Variants in ANKAR observed in about 807,000 individuals in gnomAD.
ANKAR encodes ankyrin and armadillo repeat containing, also known as ankyrin and armadillo repeat-containing protein.
Under a neutral mutation model 146.2 loss-of-function variants are expected in ANKAR, and 136 were observed. The ratio of observed to expected loss-of-function variants is 0.93; its 90% CI spans 0.81 to 1.07. The LOEUF (loss-of-function observed/expected upper bound fraction) is 1.07. Among genes scored for constraint, ANKAR ranks in the 50% least tolerant of loss-of-function variants. The pLI, the probability that ANKAR is intolerant of heterozygous loss-of-function variation, is 0.00. For synonymous variants in ANKAR, 500 were observed against 575.8 expected (o/e 0.87, Z 1.88); for missense variants, 1,567 against 1,679.9 (o/e 0.93, Z 1.18).
At chr2:189,689,448 T>C in intron 2 of ANKAR, 79 bp from the exon 3 acceptor site, 2 of 1,175,828 alleles carry the variant, frequency 1.7e-6, no homozygotes, top group Admixed American at 4.8e-5. Context: ...GATAAAATCC[T>C]GTGTTCAATC....
rs1390674021 is a variant in ANKAR at position 189,746,499 on chromosome 2, CATA to C, written c.4181_4183del (p.Asn1394del). Reference sequence around the variant, plus strand: ...AGCAACAAAAAAGACCAAGGATTCCCATAATATTTTTTCTTTTTCATCTACAAT... The same window carrying C: ...AGCAACAAAAAAGACCAAGGATTCCCATATTTTTTCTTTTTCATCTACAAT... On this transcript the variant is annotated inframe_deletion, in exon 23 of 23. Coordinates refer to ENST00000684021, the MANE Select transcript of ANKAR (RefSeq NM_001378068.1). 6.2e-7 allele frequency: 1 copy of C among 1,613,658 alleles called. No homozygotes were observed. The highest frequency in any genetic ancestry group is 1.3e-5 in the African/African-American group (1 of 74,872).
intron 19 of ANKAR, among the ~76,000 whole-genome samples, chr2:189,740,841 G>A (rs1057439650): frequency 6.6e-6 from 1 of 151,948 alleles, no homozygotes; most frequent in Non-Finnish European, 1.5e-5. Flanking sequence ...TTACAGGCAT[G>A]TACCACCACG....
At chr2:189,701,460 C>G (rs1440104326) in intron 7 of ANKAR, among the ~76,000 whole-genome samples, 2 of 152,150 alleles carry the variant, frequency 1.3e-5, no homozygotes, top group Non-Finnish European at 2.9e-5. Context: ...GTTTCAGACT[C>G]TTGGGCTCAA....
intron 12 of ANKAR, among the ~76,000 whole-genome samples, chr2:189,722,879 T>TAA (rs757432393): frequency 1.6e-5 from 2 of 125,782 alleles, no homozygotes; most frequent in Non-Finnish European, 1.7e-5. Flanking sequence ...AGACACTGTC[T>TAA]AAAAAAAAAA....
chr2:189,684,167 G>A (rs1044515689), intron 2 of ANKAR, among the ~76,000 whole-genome samples: 2 of 152,014 alleles, frequency 1.3e-5, no homozygotes, highest in Non-Finnish European at 2.9e-5. Context: ...GAGAAAAAAT[G>A]GGAACTTATT....
chr2:189,749,008 A>G (rs2044624927), downstream of ANKAR, among the ~76,000 whole-genome samples: 1 of 152,078 alleles, frequency 6.6e-6, no homozygotes, highest in Non-Finnish European at 1.5e-5. Flanking sequence ...GCACTTTGGG[A>G]GGCCAAGGCG....
chr2:189,679,061 G>A (rs1319173043), intron 2 of ANKAR, among the ~76,000 whole-genome samples: 1 of 152,090 alleles, frequency 6.6e-6, no homozygotes, highest in Non-Finnish European at 1.5e-5. Context: ...CATGAGCATG[G>A]GATGTGTTTT....
In ANKAR at chr2:189,676,665, G is replaced by T. The variant is rs1454541250; in HGVS notation, c.175G>T (p.Glu59Ter). ...TALVSWLSAK[E>*]DVRSQVDLPC... Reference sequence around the variant, plus strand: ...ACTAGTTAGCTGGTTGTCTGCCAAAGAGGATGTGCGCTCTCAAGTAGACCT... The same window carrying T: ...ACTAGTTAGCTGGTTGTCTGCCAAATAGGATGTGCGCTCTCAAGTAGACCT... Residue 59 changes from glutamate (E) to a stop codon, truncating the protein, a stop_gained, in exon 2 of 23, where the codon GAG becomes TAG. Transcript: ENST00000684021. LOFTEE classifies it high-confidence loss of function. 6.2e-7 allele frequency: 1 copy of T among 1,614,198 alleles called. No individual in the cohort carries two copies. The highest frequency in any genetic ancestry group is 1.7e-5 in the Admixed American group (1 of 60,022).
intron 2 of ANKAR, among the ~76,000 whole-genome samples, chr2:189,684,329 A>G (rs549151799): frequency 2.0e-5 from 3 of 152,162 alleles, no homozygotes; most frequent in Non-Finnish European, 2.9e-5. Flanking sequence ...CTTGATTCAG[A>G]TACTGCCTAC....
At chr2:189,725,694 G>T (rs1280822436) in intron 12 of ANKAR, among the ~76,000 whole-genome samples, 1 of 152,076 alleles carries the variant, frequency 6.6e-6, no homozygotes, top group East Asian at 1.9e-4. Flanking sequence ...AATAGCTTGA[G>T]CTCATGAGTT....
chr2:189,742,886 ACACAC>A (rs2043504640), intron 20 of ANKAR, among the ~76,000 whole-genome samples: 2 of 128,978 alleles, frequency 1.6e-5, no homozygotes, highest in Non-Finnish European at 3.3e-5. Context: ...ACACACACAC[ACACAC>A]ACTAGAATTA....
At chr2:189,749,560 A>G (rs1470338461), downstream of ANKAR, among the ~76,000 whole-genome samples, 1 of 152,178 alleles carries the variant, frequency 6.6e-6, no homozygotes, top group African/African-American at 2.4e-5. Flanking sequence ...AAAAATCCAA[A>G]AAAACTCCCT....
chr2:189,727,544 A>AAG (rs56859108), intron 12 of ANKAR, among the ~76,000 whole-genome samples: 1,617 of 149,870 alleles, frequency 0.011, 38 homozygotes, highest in African/African-American at 0.039. Context: ...AAAAAAAAAA[A>AAG]AAGGGTGGTG....
chr2:189,747,438 AG>A (rs1165094641), downstream of ANKAR: 1 of 152,188 alleles, frequency 6.6e-6, no homozygotes, highest in Non-Finnish European at 1.5e-5. Flanking sequence ...AGGGAAAAAA[AG>A]TTTTATTTAA....
At position 189,728,056 on chromosome 2, in the gene ANKAR, C is replaced by T. The variant is rs540415324; in HGVS notation, c.2836C>T (p.Leu946=). The T allele has an allele frequency of 6.2e-7, 1 of 1,612,792 alleles. No homozygotes were observed. The highest frequency in any genetic ancestry group is 1.3e-5 in the African/African-American group (1 of 74,954). Reference sequence around the variant, plus strand: ...CAACGCTCTTATACAGAAAGCATTTCTGGAAAAATCGTTAACTAAATATCT... The same window carrying T: ...CAACGCTCTTATACAGAAAGCATTTTTGGAAAAATCGTTAACTAAATATCT... The part of the protein sequence containing the change: ...SHNALIQKAF[L]EKSLTKYLLK... The change falls in exon 13 of 23, where the codon CTG becomes TTG. Residue 946 remains leucine (L), a synonymous_variant. Coordinates refer to ENST00000684021, the MANE Select transcript of ANKAR (RefSeq NM_001378068.1).
chr2:189,748,928 TCTC>T (rs1454389081), downstream of ANKAR, among the ~76,000 whole-genome samples: 1 of 152,064 alleles, frequency 6.6e-6, no homozygotes, highest in Non-Finnish European at 1.5e-5. Context: ...TTATACTACT[TCTC>T]CTATAAATCT....
In ANKAR at chr2:189,720,694, C is replaced by A. The variant is rs755839623; in HGVS notation, c.2542C>A (p.Arg848=). The change falls in exon 12 of 23, where the codon CGG becomes AGG. Residue 848 remains arginine (R), a synonymous_variant. Coordinates refer to ENST00000684021, the MANE Select transcript of ANKAR (RefSeq NM_001378068.1). ...GCTAGTAAATGTAATGAACTGTATA[C>A]GGGTATTGTGTATAGGAAATGAAAA... ...NVLVNVMNCI[R]VLCIGNENNQ... is the part of the protein sequence containing the mutation. 1 of 1,502,394 alleles carries A rather than the reference C, an allele frequency of 6.7e-7. No individual in the cohort carries two copies. The highest frequency in any genetic ancestry group is 8.9e-7 in the Non-Finnish European group (1 of 1,127,176). 93.1% of individuals were successfully genotyped at this position (1,502,394 alleles called of 1,614,324 possible).
At chr2:189,692,170 T>G in intron 3 of ANKAR, 85 bp from the exon 4 acceptor site, 5 of 1,173,584 alleles carry the variant, frequency 4.3e-6, no homozygotes, top group Middle Eastern at 5.8e-4. Context: ...TCACTTTGTT[T>G]ACATGAATGA....
At chr2:189,719,245 A>G (rs367719236) in intron 10 of ANKAR, among the ~76,000 whole-genome samples, 1 of 152,196 alleles carries the variant, frequency 6.6e-6, no homozygotes, top group East Asian at 1.9e-4. Flanking sequence ...CCTGTACCAT[A>G]TGGTAGCACA....
Sources: allele counts gnomAD v4.1 joint callset (sites outside exome capture counted in the v4.1 genomes callset), GRCh38; gene constraint gnomAD v4.1.1; transcripts MANE v1.5; gene names NCBI Gene and HGNC (gene_info 2026-07-23, HGNC 2026-07-21).